Variants in FHIT observed in about 807,000 individuals in gnomAD.
FHIT encodes the protein bis(5'-adenosyl)-triphosphatase.
A neutral mutation model predicts 17.9 loss-of-function variants in FHIT; 19 were observed. The ratio of observed to expected loss-of-function variants is 1.06; its 90% CI spans 0.74 to 1.56. FHIT has a LOEUF of 1.56. Among genes scored for constraint, FHIT ranks in the 40% most tolerant of loss-of-function variants. FHIT has a pLI of 0.00. For synonymous variants in FHIT, 81 were observed against 69.7 expected, an observed-to-expected ratio of 1.16 and a Z score of -0.81; for missense variants, 248 against 189.2, an observed-to-expected ratio of 1.31 and a Z score of -1.82.
intron 4 of FHIT, among the ~76,000 whole-genome samples, chr3:60,635,472 C>T (rs1253071494): frequency 1.3e-5 from 2 of 152,158 alleles, no homozygotes; most frequent in Non-Finnish European, 1.5e-5. Context: ...ACCCCCCAAC[C>T]ACACTACCCT....
chr3:60,171,377 G>C (rs1272229520), intron 5 of FHIT, among the ~76,000 whole-genome samples: 1 of 152,092 alleles, frequency 6.6e-6, no homozygotes, highest in African/African-American at 2.4e-5. Context: ...TTTGGGTGAT[G>C]TTCTCTTTGG....
intron 3 of FHIT, among the ~76,000 whole-genome samples, chr3:60,989,267 A>AG (rs1298971678): frequency 6.6e-6 from 1 of 152,076 alleles, no homozygotes; most frequent in African/African-American, 2.4e-5. Context: ...CTCCTGTCGC[A>AG]GCCTCTCAAG....
At chr3:60,832,734 T>C (rs1437024332) in intron 3 of FHIT, among the ~76,000 whole-genome samples, 2 of 151,972 alleles carry the variant, frequency 1.3e-5, no homozygotes, top group African/African-American at 4.8e-5. Context: ...GTTTTTCCTG[T>C]TTTCAATCTG....
chr3:61,167,837 A>G (rs1466897942), intron 2 of FHIT, among the ~76,000 whole-genome samples: 1 of 152,206 alleles, frequency 6.6e-6, no homozygotes, highest in Non-Finnish European at 1.5e-5. Context: ...TTTAGTCCAT[A>G]AAACAACTCT....
intron 5 of FHIT, among the ~76,000 whole-genome samples, chr3:60,072,580 G>A (rs886982466): frequency 3.3e-5 from 5 of 152,100 alleles, no homozygotes; most frequent in African/African-American, 1.2e-4. Context: ...AGTCTTCAAG[G>A]TAGCCACCGT....
intron 8 of FHIT, among the ~76,000 whole-genome samples, chr3:59,774,474 A>G (rs991985454): frequency 1.3e-5 from 2 of 152,184 alleles, no homozygotes; most frequent in African/African-American, 4.8e-5. Flanking sequence ...CAGTGTTTGT[A>G]TCTGAAAACA....
intron 4 of FHIT, among the ~76,000 whole-genome samples, chr3:60,542,354 C>T (rs2036212253): frequency 6.6e-6 from 1 of 152,194 alleles, no homozygotes; most frequent in Admixed American, 6.5e-5. Flanking sequence ...GGATTCAGGT[C>T]AGATACTTAC....
At chr3:60,217,856 AAT>A (rs1330237680) in intron 5 of FHIT, among the ~76,000 whole-genome samples, 9 of 152,210 alleles carry the variant, frequency 5.9e-5, no homozygotes, top group African/African-American at 2.2e-4. Flanking sequence ...AATCAACTGC[AAT>A]ATGTTATGTA....
At chr3:61,164,307 G>A (rs2037774798) in intron 2 of FHIT, among the ~76,000 whole-genome samples, 1 of 152,178 alleles carries the variant, frequency 6.6e-6, no homozygotes, top group African/African-American at 2.4e-5. Context: ...TATAGAAGAA[G>A]GCTTCTCAAA....
At chr3:59,991,647 C>A (rs1422348308) in intron 7 of FHIT, among the ~76,000 whole-genome samples, 1 of 152,046 alleles carries the variant, frequency 6.6e-6, no homozygotes, top group African/African-American at 2.4e-5. Context: ...TTCCTTCCAT[C>A]AGTCCTGAAT....
intron 7 of FHIT, among the ~76,000 whole-genome samples, chr3:59,993,757 A>G (rs1254554560): frequency 6.6e-6 from 1 of 151,852 alleles, no homozygotes; most frequent in African/African-American, 2.4e-5. Flanking sequence ...ACGGGGTCTC[A>G]GTTCCTGTTC....
At chr3:60,192,183 G>A (rs545972752) in intron 5 of FHIT, among the ~76,000 whole-genome samples, 8 of 151,248 alleles carry the variant, frequency 5.3e-5, no homozygotes, top group South Asian at 2.1e-4. Context: ...CCCGGGAGGC[G>A]GAGGTTGCAG....
At chr3:60,937,935 A>C (rs1553773512) in intron 3 of FHIT, among the ~76,000 whole-genome samples, 1 of 152,038 alleles carries the variant, frequency 6.6e-6, no homozygotes, top group Non-Finnish European at 1.5e-5. Context: ...GTCTCACATA[A>C]ATACCAATCC....
chr3:61,073,837 C>T (rs2034886625), intron 2 of FHIT, among the ~76,000 whole-genome samples: 2 of 152,152 alleles, frequency 1.3e-5, no homozygotes, highest in African/African-American at 4.8e-5. Flanking sequence ...GCTATAAGGA[C>T]ACAATGCAGA....
chr3:59,895,486 T>C (rs1704029490), intron 8 of FHIT, among the ~76,000 whole-genome samples: 1 of 152,206 alleles, frequency 6.6e-6, no homozygotes, highest in Non-Finnish European at 1.5e-5. Context: ...TATCAGAACA[T>C]GACTTTGCTT....
rs1036791362 is a variant in FHIT, at chr3:60,407,288, T to C, written c.103+129572A>G. 7.9e-5 allele frequency among the ~76,000 whole-genome samples: 12 copies of C among 152,030 alleles called. No individual in the cohort carries two copies. The East Asian group carries it at 1.7e-3, about 22-fold the overall frequency. On this transcript the variant is annotated intron_variant, in intron 5 of 9. Coordinates refer to ENST00000492590, the MANE Select transcript of FHIT (RefSeq NM_002012.4). Reference sequence around the variant, plus strand: ...GTTGCTAAGTCTGTGAAGGAAAAAATGTCGGAAAAGCCTACCAATTACAGA... The same window carrying C: ...GTTGCTAAGTCTGTGAAGGAAAAAACGTCGGAAAAGCCTACCAATTACAGA...
At chr3:60,033,313 T>G (rs1701079381) in intron 5 of FHIT, among the ~76,000 whole-genome samples, 1 of 152,084 alleles carries the variant, frequency 6.6e-6, no homozygotes, top group East Asian at 1.9e-4. Flanking sequence ...CTGACCAACA[T>G]GGAGAAACCC....
At chr3:59,829,426 G>A (rs945871951) in intron 8 of FHIT, among the ~76,000 whole-genome samples, 6 of 152,232 alleles carry the variant, frequency 3.9e-5, no homozygotes, top group Middle Eastern at 3.4e-3. Context: ...GGGAGCCCTC[G>A]AACTTCAAAA....
chr3:60,708,301 G>A (rs1319077198), intron 4 of FHIT, among the ~76,000 whole-genome samples: 2 of 152,150 alleles, frequency 1.3e-5, no homozygotes, highest in Non-Finnish European at 2.9e-5. Flanking sequence ...CCAAACCAGA[G>A]AGCATGTATG....
Sources: allele counts gnomAD v4.1 joint callset (sites outside exome capture counted in the v4.1 genomes callset), GRCh38; gene constraint gnomAD v4.1.1; transcripts MANE v1.5; gene names NCBI Gene and HGNC (gene_info 2026-07-23, HGNC 2026-07-21).